SYCP1: variants seen among roughly 807,000 people sequenced by gnomAD.
SYCP1 encodes the protein cancer/testis antigen 8.
In SYCP1, 64 loss-of-function variants were observed where a neutral mutation model predicts 153.1. That is an observed-to-expected ratio of 0.42 (90% confidence interval 0.34 to 0.51). SYCP1 has a LOEUF of 0.51. Among genes scored for constraint, SYCP1 ranks in the 20% least tolerant of loss-of-function variants. The probability of loss-of-function intolerance (pLI) is 0.06; values close to 1 mark genes in which losing one functional copy is unlikely to be tolerated. For synonymous variants in SYCP1, 384 were observed against 341.8 expected, an observed-to-expected ratio of 1.12 and a Z score of -1.36; for missense variants, 997 against 1,049.0, an observed-to-expected ratio of 0.95 and a Z score of 0.68.
chr1:114,871,584 G>A lies in SYCP1; in HGVS notation c.599-2922G>A, dbSNP rs76731787. On this transcript the variant is annotated intron_variant, in intron 8 of 31. Transcript: ENST00000369522. Reference sequence around the variant, plus strand: ...TTTTTTGTTTGTTTGTCTGTTTTTTGTTTTTTGAGGCAGAGTCTCATTCTG... The same window carrying A: ...TTTTTTGTTTGTTTGTCTGTTTTTTATTTTTTGAGGCAGAGTCTCATTCTG... Among the ~76,000 whole-genome samples the A allele has an allele frequency of 4.0e-4, 61 of 151,488 alleles. No individual in the cohort carries two copies. The East Asian group carries it at 4.7e-3, about 12-fold the overall frequency.
chr1:114,979,934 C>T (rs968300208), intron 28 of SYCP1, among the ~76,000 whole-genome samples: 1 of 151,756 alleles, frequency 6.6e-6, no homozygotes, highest in African/African-American at 2.4e-5. Context: ...GCCTCTTTAT[C>T]CTATACTCTA....
At chr1:114,917,611 G>T (rs1045799480) in intron 20 of SYCP1, among the ~76,000 whole-genome samples, 2 of 152,024 alleles carry the variant, frequency 1.3e-5, no homozygotes, top group African/African-American at 2.4e-5. Flanking sequence ...GTGTATGAGG[G>T]TTTCCTTTTT....
chr1:114,943,337 GAGA>G (rs1670503759), intron 23 of SYCP1, among the ~76,000 whole-genome samples: 1 of 151,812 alleles, frequency 6.6e-6, no homozygotes, highest in Admixed American at 6.6e-5. Flanking sequence ...TCCCAAAATG[GAGA>G]CAACTCAGTG....
chr1:114,889,718 T>C (rs1441715723), intron 15 of SYCP1, among the ~76,000 whole-genome samples: 7 of 152,192 alleles, frequency 4.6e-5, no homozygotes, highest in Admixed American at 4.6e-4. Flanking sequence ...TAGATCCCAT[T>C]TATCAATTTT....
intron 29 of SYCP1, among the ~76,000 whole-genome samples, chr1:114,983,273 C>T (rs1673282677): frequency 6.6e-6 from 1 of 151,922 alleles, no homozygotes; most frequent in Admixed American, 6.6e-5. Context: ...TCAAAGCTTC[C>T]CCATGGATAT....
At chr1:114,885,889 C>G (rs1436194107) in intron 13 of SYCP1, among the ~76,000 whole-genome samples, 1 of 152,086 alleles carries the variant, frequency 6.6e-6, no homozygotes, top group African/African-American at 2.4e-5. Context: ...ATTGAAAGAA[C>G]AGTATGGCTG....
intron 8 of SYCP1, among the ~76,000 whole-genome samples, chr1:114,866,072 A>G (rs1664723415): frequency 6.6e-6 from 1 of 152,162 alleles, no homozygotes; most frequent in South Asian, 2.1e-4. Flanking sequence ...CAGCTTATTT[A>G]TCCATTCACT....
At chr1:114,857,954 T>C (rs1405169720) in intron 5 of SYCP1, among the ~76,000 whole-genome samples, 3 of 152,000 alleles carry the variant, frequency 2.0e-5, no homozygotes, top group Non-Finnish European at 4.4e-5. Flanking sequence ...GCTGTGATTA[T>C]GGTATCACAG....
chr1:114,988,821 A>C (rs554604524), intron 30 of SYCP1, among the ~76,000 whole-genome samples: 1 of 152,138 alleles, frequency 6.6e-6, no homozygotes, highest in South Asian at 2.1e-4. Flanking sequence ...TTAAAGACAA[A>C]TGCATATAAA....
chr1:114,988,127 G>A (rs1673659138), intron 30 of SYCP1, among the ~76,000 whole-genome samples: 3 of 148,456 alleles, frequency 2.0e-5, no homozygotes, highest in African/African-American at 5.0e-5. Flanking sequence ...AGTGAACAGA[G>A]CCTCAGAGTC....
At chr1:114,912,926 T>C (rs914001056) in intron 18 of SYCP1, 107 bp from the exon 19 acceptor site, 14 of 709,884 alleles carry the variant, frequency 2.0e-5, no homozygotes, top group Admixed American at 9.0e-5. Context: ...TTCATGTTTT[T>C]CCCCCAGCCC....
rs977826670 is a variant in SYCP1 at position 114,953,148 on chromosome 1, G to A, written c.2322+5828G>A. 3.9e-5 allele frequency among the ~76,000 whole-genome samples: 6 copies of A among 152,298 alleles called. 1 individual carries two copies. The highest frequency in any genetic ancestry group is 3.9e-4 in the Admixed American group (6 of 15,304). ...CTCATGGCCCTATCACCTTCCAAATGTCCTACTTCCTAACAATGCCACAAT... is the reference window on the plus strand; with the variant it reads ...CTCATGGCCCTATCACCTTCCAAATATCCTACTTCCTAACAATGCCACAAT... On this transcript the variant is annotated intron_variant, in intron 27 of 31. Coordinates refer to ENST00000369522, the MANE Select transcript of SYCP1 (RefSeq NM_003176.4).
chr1:114,947,272 T>C lies in SYCP1; in HGVS notation c.2274T>C (p.Ala758=), dbSNP rs200544411. The change falls in exon 27 of 32, where the codon GCT becomes GCC. Residue 758 remains alanine, a synonymous_variant. Transcript: ENST00000369522. The part of the protein sequence containing the change: ...SLEIELSNLK[A]ELLSVKKQLE... ...AGATTGAACTATCCAATCTCAAAGC[T>C]GAACTTTTGTCTGTTAAGAAGCAAC... 1.9e-6 allele frequency: 3 copies of C among 1,613,010 alleles called. No individual in the cohort carries two copies. Among genetic ancestry groups the C allele is most frequent in the Non-Finnish European group, 2.5e-6 (3 of 1,179,546 alleles).
At chr1:114,875,041 C>A (rs1342893396) in intron 9 of SYCP1, among the ~76,000 whole-genome samples, 1 of 152,032 alleles carries the variant, frequency 6.6e-6, no homozygotes, top group Non-Finnish European at 1.5e-5. Flanking sequence ...ATGCACATTT[C>A]TAAACTTCAT....
intron 7 of SYCP1, 58 bp from the exon 8 acceptor site, chr1:114,860,678 A>T (rs1200474723): frequency 9.1e-7 from 1 of 1,095,040 alleles, no homozygotes; most frequent in Non-Finnish European, 1.3e-6. Flanking sequence ...TAACTTATAT[A>T]TTGTGATTTT....
intron 27 of SYCP1, among the ~76,000 whole-genome samples, chr1:114,970,441 C>T (rs1672406158): frequency 1.3e-5 from 2 of 151,826 alleles, no homozygotes; most frequent in Admixed American, 6.6e-5. Context: ...TGGTTTTGAT[C>T]CATTGCTGGT....
intron 23 of SYCP1, among the ~76,000 whole-genome samples, chr1:114,940,243 G>T (rs779911430): frequency 1.4e-4 from 21 of 151,914 alleles, no homozygotes; most frequent in Admixed American, 4.6e-4. Context: ...GATTACAGGC[G>T]TGTGCCTCCA....
intron 27 of SYCP1, among the ~76,000 whole-genome samples, chr1:114,956,698 C>G (rs1044597372): frequency 6.6e-6 from 1 of 151,266 alleles, no homozygotes; most frequent in Non-Finnish European, 1.5e-5. Context: ...CTTTCCCAGG[C>G]TTATCTGGGC....
intron 27 of SYCP1, among the ~76,000 whole-genome samples, chr1:114,952,509 G>C (rs1427777535): frequency 1.3e-5 from 2 of 152,100 alleles, no homozygotes; most frequent in Admixed American, 1.3e-4. Context: ...ACAGGGCTGG[G>C]GAGGCCTCAG....
Sources: allele counts gnomAD v4.1 joint callset (sites outside exome capture counted in the v4.1 genomes callset), GRCh38; gene constraint gnomAD v4.1.1; transcripts MANE v1.5; gene names NCBI Gene and HGNC (gene_info 2026-07-23, HGNC 2026-07-21).